ATL1: variants seen among roughly 807,000 people sequenced by gnomAD.
The protein encoded by ATL1 is atlastin GTPase 1, also known as atlastin-1.
Under a neutral mutation model 75.5 loss-of-function variants are expected in ATL1, and 31 were observed. That is an observed-to-expected ratio of 0.41 (90% confidence interval 0.31 to 0.55). ATL1 has a LOEUF of 0.55. Ranked by LOEUF, ATL1 falls within the 20% of genes least tolerant of loss-of-function variation. The pLI, the probability that ATL1 is intolerant of heterozygous loss-of-function variation, is 0.27. For missense variants in ATL1, 405 were observed against 662.6 expected (o/e 0.61, Z 4.27); for synonymous variants, 226 against 233.3 (o/e 0.97, Z 0.28).
At chr14:50,603,814 A>G (rs772475652) in intron 6 of ATL1, among the ~76,000 whole-genome samples, 10 of 152,182 alleles carry the variant, frequency 6.6e-5, no homozygotes, top group Non-Finnish European at 1.2e-4. Context: ...AAAGGAAATG[A>G]TATGAAAAAA....
rs2039028624 is a variant in ATL1, at chr14:50,578,613, T to C, written c.35-9218T>C. ...TCTCCCACACACTTTTTTTTCAGAG[T>C]TATACCATATTGTACACACTGTATT... On this transcript the variant is annotated intron_variant, in intron 1 of 13. Coordinates refer to ENST00000358385, the MANE Select transcript of ATL1 (RefSeq NM_015915.5). 1.3e-5 allele frequency among the ~76,000 whole-genome samples: 2 copies of C among 152,152 alleles called. 1 individual carries two copies. Among genetic ancestry groups the C allele is most frequent in the South Asian group, 4.1e-4 (2 of 4,824 alleles).
chr14:50,598,522 A>G (rs3015453), intron 6 of ATL1, among the ~76,000 whole-genome samples: 149,418 of 152,066 alleles, frequency 0.98, 73,433 homozygotes, highest in Middle Eastern at 1. Flanking sequence ...CATCATGCCC[A>G]GCTAATTTTG....
intron 1 of ATL1, among the ~76,000 whole-genome samples, chr14:50,562,950 C>A (rs890957143): frequency 6.6e-6 from 1 of 152,146 alleles, no homozygotes; most frequent in African/African-American, 2.4e-5. Context: ...TAGCCAACAT[C>A]GTTAAGCTAA....
At chr14:50,624,757 G>C (rs59807161) in intron 11 of ATL1, among the ~76,000 whole-genome samples, 27,836 of 151,926 alleles carry the variant, frequency 0.18, 3,267 homozygotes, top group African/African-American at 0.31. Flanking sequence ...CAAAGGAAGA[G>C]TTCTTAAAGG....
chr14:50,570,439 G>T (rs2038944439), intron 1 of ATL1, among the ~76,000 whole-genome samples: 1 of 151,974 alleles, frequency 6.6e-6, no homozygotes, highest in Non-Finnish European at 1.5e-5. Context: ...GTAGTGGTAT[G>T]ATCAGAACTC....
At chr14:50,542,867 C>T (rs2038583680) in intron 1 of ATL1, among the ~76,000 whole-genome samples, 1 of 152,146 alleles carries the variant, frequency 6.6e-6, no homozygotes, top group African/African-American at 2.4e-5. Context: ...ATCTGGTTGT[C>T]CTCTTTTTTA....
chr14:50,560,917 G>C (rs1433053370), intron 1 of ATL1: 1 of 153,120 alleles, frequency 6.5e-6, no homozygotes, highest in Admixed American at 6.5e-5. Flanking sequence ...TCTTAATTTG[G>C]GGGTTGGGTG....
chr14:50,562,283 A>G (rs2038856445), intron 1 of ATL1, among the ~76,000 whole-genome samples: 1 of 152,120 alleles, frequency 6.6e-6, no homozygotes, highest in Non-Finnish European at 1.5e-5. Context: ...TGACCTCGTG[A>G]TCCGCCCGCC....
At chr14:50,554,096 A>C (rs564255062) in intron 1 of ATL1, among the ~76,000 whole-genome samples, 1 of 150,110 alleles carries the variant, frequency 6.7e-6, no homozygotes, top group Non-Finnish European at 1.5e-5. Flanking sequence ...AAAACTATTG[A>C]AATTTTTAAA....
rs77047513 is a variant in ATL1, at chr14:50,587,284, G to A, written c.35-547G>A. 9.3e-3 allele frequency among the ~76,000 whole-genome samples: 1,422 copies of A among 152,260 alleles called. 20 individuals carry two copies. Among genetic ancestry groups the A allele is most frequent in the African/African-American group, 0.032 (1,318 of 41,542 alleles). The stretch of plus-strand genomic sequence containing the variant: ...ACAGAGACATCTGCACTGACTTAGA[G>A]TTTTCTTGAAAAATTTTTTTGATTC... On this transcript the variant is annotated intron_variant, in intron 1 of 13. Coordinates refer to ENST00000358385, the MANE Select transcript of ATL1 (RefSeq NM_015915.5).
At chr14:50,567,817 C>A (rs1187095477) in intron 1 of ATL1, among the ~76,000 whole-genome samples, 1 of 152,130 alleles carries the variant, frequency 6.6e-6, no homozygotes, top group African/African-American at 2.4e-5. Context: ...TTACTGATTT[C>A]CAACTTCATC....
chr14:50,583,262 A>G (rs2039073534), intron 1 of ATL1, among the ~76,000 whole-genome samples: 1 of 152,242 alleles, frequency 6.6e-6, no homozygotes, highest in East Asian at 1.9e-4. Flanking sequence ...ATACATAAAG[A>G]TTGAAAAGTT....
At chr14:50,619,373 T>G (rs2140231274) in intron 8 of ATL1, among the ~76,000 whole-genome samples, 1 of 152,288 alleles carries the variant, frequency 6.6e-6, no homozygotes, top group Admixed American at 6.5e-5. Context: ...ACAGCTAATT[T>G]TTATATCTTA....
intron 12 of ATL1, among the ~76,000 whole-genome samples, chr14:50,628,890 G>C (rs1037927897): frequency 2.0e-5 from 3 of 151,946 alleles, no homozygotes; most frequent in South Asian, 2.1e-4. Flanking sequence ...CTAAGTTTTT[G>C]TATTTTTTGT....
intron 1 of ATL1, among the ~76,000 whole-genome samples, chr14:50,543,308 A>G (rs192784946): frequency 3.3e-5 from 5 of 152,380 alleles, no homozygotes; most frequent in Admixed American, 2.0e-4. Context: ...CCCTTGACAG[A>G]TAAGTCAACC....
intron 9 of ATL1, among the ~76,000 whole-genome samples, chr14:50,621,328 C>A (rs1247227423): frequency 1.3e-5 from 2 of 152,116 alleles, no homozygotes; most frequent in African/African-American, 4.8e-5. Context: ...TTTTAAAATT[C>A]ATGTTTTGTC....
At chr14:50,554,975 A>G (rs80223928) in intron 1 of ATL1, among the ~76,000 whole-genome samples, 5,671 of 152,202 alleles carry the variant, frequency 0.037, 103 homozygotes, top group Middle Eastern at 0.058. Context: ...TCCAATGTCT[A>G]TTTCCCTTCT....
chr14:50,574,080 C>T (rs1164013927), intron 1 of ATL1, among the ~76,000 whole-genome samples: 4 of 152,162 alleles, frequency 2.6e-5, no homozygotes, highest in Non-Finnish European at 5.9e-5. Flanking sequence ...GGCTCCTCAG[C>T]AGTGAATGCC....
chr14:50,574,132 C>A (rs745988588), intron 1 of ATL1, among the ~76,000 whole-genome samples: 5 of 152,112 alleles, frequency 3.3e-5, no homozygotes, highest in Non-Finnish European at 5.9e-5. Context: ...CCTTATACTC[C>A]GTGCCTGTTC....
Sources: gnomAD v4.1 joint callset for allele counts (sites outside exome capture counted in the v4.1 genomes callset) on GRCh38, gnomAD v4.1.1 for gene constraint, MANE v1.5 for transcripts, NCBI Gene and HGNC (gene_info 2026-07-23, HGNC 2026-07-21) for gene names.